The following TNRC6B variants were observed in gnomAD, a reference collection of about 807,000 sequenced individuals.
TNRC6B encodes trinucleotide repeat-containing gene 6B protein.
In TNRC6B, 52 loss-of-function variants were observed where a neutral mutation model predicts 203.6. That is an observed-to-expected ratio of 0.26 (90% CI 0.20 to 0.32). TNRC6B has a LOEUF of 0.32. Ranked by LOEUF, TNRC6B falls within the 10% of genes least tolerant of loss-of-function variation. TNRC6B has a pLI of 1.00. For synonymous variants in TNRC6B, 838 were observed against 845.7 expected (o/e 0.99, Z 0.16); for missense variants, 1,923 against 2,286.2 (o/e 0.84, Z 3.24).
Position 40,313,097 on chromosome 22 carries a change from C to A in TNRC6B, c.4678+100C>A, listed in dbSNP as rs148325791. 3.2e-4 allele frequency: 294 copies of A among 912,788 alleles called. 2 individuals carry two copies. The African/African-American group carries it at 4.3e-3, about 14-fold the overall frequency. 56.5% of individuals were successfully genotyped at this position (912,788 alleles called of 1,614,324 possible). ...ATGTATTTCATAAGATATACTCTTA[C>A]AGAAGTTCAGTAGCATAGGTCAGTA... On this transcript the variant is annotated intron_variant, in intron 19 of 22. Transcript: ENST00000454349.
rs2071407133 is a variant in TNRC6B at position 40,326,721 on chromosome 22, A to G, written c.*3480A>G. 1 of 152,772 alleles carries G rather than the reference A, an allele frequency of 6.5e-6. No homozygotes were observed. The highest frequency in any genetic ancestry group is 1.9e-4 in the East Asian group (1 of 5,196). The allele number at this position is 152,772 out of a possible 1,614,324, so 9.5% of individuals were successfully genotyped here. On this transcript the variant is annotated 3_prime_UTR_variant, in exon 23 of 23. Coordinates refer to ENST00000454349, the MANE Select transcript of TNRC6B (RefSeq NM_001162501.2). ...AAATAGTACAGTTGGATTGCTGAGAATCTATGTAAAGAGTTAGGAAATATA... is the reference window on the plus strand; with the variant it reads ...AAATAGTACAGTTGGATTGCTGAGAGTCTATGTAAAGAGTTAGGAAATATA...
chr22:40,223,876 C>A (rs2069748830), intron 1 of TNRC6B, among the ~76,000 whole-genome samples: 1 of 152,222 alleles, frequency 6.6e-6, no homozygotes, highest in African/African-American at 2.4e-5. Context: ...TTTATATTCT[C>A]ATCAGCAATG....
chr22:40,173,939 G>T (rs2069031203), upstream of TNRC6B, among the ~76,000 whole-genome samples: 1 of 149,746 alleles, frequency 6.7e-6, no homozygotes, highest in South Asian at 2.1e-4. Context: ...AAGTAGCTGG[G>T]ATTACCAGCA....
chr22:40,178,111 C>G lies in TNRC6B; in HGVS notation c.-25C>G, dbSNP rs751983017. 2 of 1,611,138 alleles carry G rather than the reference C, an allele frequency of 1.2e-6. No homozygotes were observed. On this transcript the variant is annotated 5_prime_UTR_variant, in exon 1 of 23. Transcript: ENST00000454349. ...TTTCTACCTTGTATGCCTCAATTTG[C>G]TGGATTTAAGCACTGCTGCACTTTA...
chr22:40,046,811 A>AT (rs1168621797), intron 1 of TNRC6B, among the ~76,000 whole-genome samples: 2 of 151,226 alleles, frequency 1.3e-5, no homozygotes, highest in East Asian at 1.9e-4. Context: ...CGCCCGGCTA[A>AT]TTTTTTTGTA....
chr22:40,093,750 A>C (rs2146298921), intron 1 of TNRC6B, among the ~76,000 whole-genome samples: 1 of 152,346 alleles, frequency 6.6e-6, no homozygotes, highest in South Asian at 2.1e-4. Flanking sequence ...CTTTGGAGTC[A>C]GATAGTTTGA....
intron 1 of TNRC6B, among the ~76,000 whole-genome samples, chr22:40,180,761 C>G (rs985131800): frequency 1.3e-5 from 2 of 152,028 alleles, no homozygotes; most frequent in African/African-American, 4.8e-5. Flanking sequence ...AAGATGTGGC[C>G]GATGTTATGA....
In TNRC6B at chr22:40,266,058, C is replaced by A. The variant is rs766803637; in HGVS notation, c.1828C>A (p.Arg610=). ...GGCTGTCTTGCAGACTCTTTTGAGC[C>A]GAACTGATTTGGACCCCAGGGTGCT... ...CQAVLQTLLS[R]TDLDPRVLSN... The change falls in exon 5 of 23, where the codon CGA becomes AGA. Residue 610 remains arginine, a synonymous_variant. Coordinates refer to ENST00000454349, the MANE Select transcript of TNRC6B (RefSeq NM_001162501.2). 6.2e-7 allele frequency: 1 copy of A among 1,613,684 alleles called. No individual in the cohort carries two copies. The highest frequency in any genetic ancestry group is 8.5e-7 in the Non-Finnish European group (1 of 1,179,898).
At chr22:40,177,534 T>C (rs2069074906), upstream of TNRC6B, among the ~76,000 whole-genome samples, 1 of 152,214 alleles carries the variant, frequency 6.6e-6, no homozygotes, top group Non-Finnish European at 1.5e-5. Flanking sequence ...AGCTAAAGCC[T>C]CTTGTTTGGT....
intron 4 of TNRC6B, among the ~76,000 whole-genome samples, chr22:40,156,582 A>G (rs1265996857): frequency 1.3e-5 from 2 of 152,120 alleles, no homozygotes; most frequent in Non-Finnish European, 2.9e-5. Context: ...ATTTATTTGA[A>G]TGGTACTTTC....
intron 1 of TNRC6B, among the ~76,000 whole-genome samples, chr22:40,239,778 C>A (rs1453579337): frequency 1.3e-5 from 2 of 152,242 alleles, no homozygotes; most frequent in Non-Finnish European, 2.9e-5. Context: ...GCATGCGGGG[C>A]AGTCTTGTTA....
intron 1 of TNRC6B, among the ~76,000 whole-genome samples, chr22:40,053,172 A>C (rs1007171834): frequency 1.8e-4 from 27 of 152,082 alleles, no homozygotes; most frequent in South Asian, 8.3e-4. Flanking sequence ...AAAAAAAAAA[A>C]AAAAAACTAT....
In TNRC6B at chr22:40,148,445, A is replaced by G. The variant is rs191352079; in HGVS notation, c.46-7670A>G. On this transcript the variant is annotated intron_variant, in intron 3 of 23. Transcript: ENST00000301923. The stretch of plus-strand genomic sequence containing the variant: ...ATTACAGGCGCCTGCCACCACGCCC[A>G]GCTAATTTTTGTATTTTTAGTAGAG... Among the ~76,000 whole-genome samples, 1,205 of 151,986 alleles carry G rather than the reference A, an allele frequency of 7.9e-3. 12 individuals are homozygous for G. The highest frequency in any genetic ancestry group is 0.027 in the African/African-American group (1,101 of 41,436).
At position 40,321,149 on chromosome 22, in the gene TNRC6B, T is replaced by C. The variant is rs1365015053; in HGVS notation, c.5034T>C (p.His1678=). 6.2e-7 allele frequency: 1 copy of C among 1,614,016 alleles called. No homozygotes were observed. The highest frequency in any genetic ancestry group is 1.7e-5 in the Admixed American group (1 of 60,022). The change falls in exon 22 of 23, where the codon CAT becomes CAC. Residue 1678 remains histidine (H), a synonymous_variant. Transcript: ENST00000454349. The part of the protein sequence containing the change: ...CMQHGPLLTF[H]LNLTQGTALI... ...AGCATGGCCCACTGCTGACATTCCA[T>C]CTGAATCTAACCCAGGGCACTGCCC...
chr22:40,175,419 A>G (rs967143520), upstream of TNRC6B, among the ~76,000 whole-genome samples: 1 of 152,204 alleles, frequency 6.6e-6, no homozygotes, highest in South Asian at 2.1e-4. Context: ...TTTATTTAAA[A>G]TATGTTTGTT....
intron 1 of TNRC6B, chr22:40,106,528 A>G: frequency 4.1e-6 from 3 of 737,690 alleles, no homozygotes; most frequent in Non-Finnish European, 5.0e-6. Context: ...CATATTTACC[A>G]AGAGATCGAG....
chr22:40,319,939 A>G (rs2071313470), intron 21 of TNRC6B, among the ~76,000 whole-genome samples: 2 of 152,196 alleles, frequency 1.3e-5, no homozygotes, highest in South Asian at 4.1e-4. Flanking sequence ...TCTAGAGAGC[A>G]TCTATCCTAA....
chr22:40,194,067 C>A (rs1255303011), intron 1 of TNRC6B, among the ~76,000 whole-genome samples: 1 of 152,054 alleles, frequency 6.6e-6, no homozygotes, highest in African/African-American at 2.4e-5. Flanking sequence ...TGTGGGATAA[C>A]CAGGGGGCAA....
intron 1 of TNRC6B, among the ~76,000 whole-genome samples, chr22:40,230,693 A>C (rs1012571817): frequency 6.6e-6 from 1 of 152,116 alleles, no homozygotes; most frequent in Non-Finnish European, 1.5e-5. Flanking sequence ...CTGTGGCTTA[A>C]TCTTTTTATT....
Sources: allele counts gnomAD v4.1 joint callset (sites outside exome capture counted in the v4.1 genomes callset), GRCh38; gene constraint gnomAD v4.1.1; transcripts MANE v1.5; gene names NCBI Gene and HGNC (gene_info 2026-07-23, HGNC 2026-07-21).